COX7A2L: variants seen among roughly 807,000 people sequenced by gnomAD.
COX7A2L encodes the protein cytochrome c oxidase subunit 7A2 like, also known as cytochrome c oxidase subunit 7A2-like, mitochondrial.
A neutral mutation model predicts 14.2 loss-of-function variants in COX7A2L; 18 were observed. The observed-to-expected ratio is 1.27, with a 90% CI of 0.88 to 1.88. COX7A2L has a LOEUF of 1.88. Ranked by LOEUF, COX7A2L falls within the 40% of genes most tolerant of loss-of-function variation. COX7A2L has a pLI of 0.00. For missense variants in COX7A2L, 179 were observed against 138.8 expected, an observed-to-expected ratio of 1.29 and a Z score of -1.46; for synonymous variants, 65 against 57.4, an observed-to-expected ratio of 1.13 and a Z score of -0.60.
At chr2:42,341,064 G>A (rs1056378968) in intron 2 of COX7A2L, among the ~76,000 whole-genome samples, 4 of 152,062 alleles carry the variant, frequency 2.6e-5, no homozygotes, top group East Asian at 1.9e-4. Context: ...TGGTTATAAC[G>A]TGTCACATCC....
rs538264893 is a variant in COX7A2L, at chr2:42,355,417, C to A, written c.73-2074G>T. Reference sequence around the variant, plus strand: ...TCCAAAAATGGCTTGAAAGTAAATTCATGTTTCGACAGGACTAATGTGAGA... The same window carrying A: ...TCCAAAAATGGCTTGAAAGTAAATTAATGTTTCGACAGGACTAATGTGAGA... On this transcript the variant is annotated intron_variant, in intron 1 of 2. Coordinates refer to ENST00000234301, the MANE Select transcript of COX7A2L (RefSeq NM_004718.4). 5.2e-4 allele frequency among the ~76,000 whole-genome samples: 79 copies of A among 152,272 alleles called. No individual in the cohort carries two copies. The South Asian group carries it at 8.3e-3, about 16-fold the overall frequency.
At chr2:42,337,660 G>C (rs1227587371) in intron 2 of COX7A2L, among the ~76,000 whole-genome samples, 1 of 152,118 alleles carries the variant, frequency 6.6e-6, no homozygotes, top group Admixed American at 6.5e-5. Flanking sequence ...TATAGTTAAC[G>C]TAAGATCTCA....
At chr2:42,357,152 T>C (rs531979123) in intron 1 of COX7A2L, among the ~76,000 whole-genome samples, 1 of 152,354 alleles carries the variant, frequency 6.6e-6, no homozygotes, top group South Asian at 2.1e-4. Context: ...TTGTAACATT[T>C]TCCTTTTCTT....
downstream of COX7A2L, among the ~76,000 whole-genome samples, chr2:42,347,181 A>G (rs1315968543): frequency 1.3e-5 from 2 of 152,180 alleles, no homozygotes; most frequent in East Asian, 3.8e-4. Context: ...GGCAATTTAA[A>G]CCACAAAGAA....
chr2:42,345,769 G>A (rs540067372), downstream of COX7A2L, among the ~76,000 whole-genome samples: 9 of 152,198 alleles, frequency 5.9e-5, no homozygotes, highest in South Asian at 1.2e-3. Flanking sequence ...TCATACCCCC[G>A]GGGTCATGTG....
Position 42,361,182 on chromosome 2 carries a change from C to T in COX7A2L, c.-21G>A. 14 of 1,593,536 alleles carry T rather than the reference C, an allele frequency of 8.8e-6. No individual in the cohort carries two copies. Among genetic ancestry groups the T allele is most frequent in the South Asian group, 3.4e-5 (3 of 88,674 alleles). On this transcript the variant is annotated 5_prime_UTR_variant, in exon 1 of 3. Coordinates refer to ENST00000234301, the MANE Select transcript of COX7A2L (RefSeq NM_004718.4). ...TACATGACGCCCAGAGTCCGGCTTC[C>T]CGCATCCGCTGCCAACGCGACCGCC...
chr2:42,343,329 G>A (rs1334922507), intron 2 of COX7A2L, among the ~76,000 whole-genome samples: 5 of 152,214 alleles, frequency 3.3e-5, no homozygotes, highest in East Asian at 1.9e-4. Flanking sequence ...CCTAAGAGGT[G>A]GAGAGACACC....
At chr2:42,348,936 C>T (rs1670555309), downstream of COX7A2L, among the ~76,000 whole-genome samples, 1 of 151,942 alleles carries the variant, frequency 6.6e-6, no homozygotes, top group South Asian at 2.1e-4. Context: ...AAAAAAGTGA[C>T]AACAACTAAA....
chr2:42,354,406 T>C (rs1297291832), intron 1 of COX7A2L, among the ~76,000 whole-genome samples: 1 of 152,200 alleles, frequency 6.6e-6, no homozygotes, highest in Non-Finnish European at 1.5e-5. Flanking sequence ...AAAATCCTCC[T>C]TTTATGTTAA....
Position 42,351,119 on chromosome 2 carries a change from G to T in COX7A2L, c.*100C>A. 7.7e-7 allele frequency: 1 copy of T among 1,295,390 alleles called. No homozygotes were observed. The highest frequency in any genetic ancestry group is 1.0e-6 in the Non-Finnish European group (1 of 962,454). The allele number at this position is 1,295,390 out of a possible 1,614,324, so 80.2% of individuals were successfully genotyped here. A position where few individuals can be genotyped will look rare whatever the true frequency, so the allele number is the denominator to read the frequency against. On this transcript the variant is annotated 3_prime_UTR_variant, in exon 3 of 3. Transcript: ENST00000234301. ...ATCTTCCTATTTTTCTTGCAAAAATGTTAAGCCATCCAAGTAAAAAAAAAA... is the reference window on the plus strand; with the variant it reads ...ATCTTCCTATTTTTCTTGCAAAAATTTTAAGCCATCCAAGTAAAAAAAAAA...
downstream of COX7A2L, among the ~76,000 whole-genome samples, chr2:42,348,619 G>A (rs1331221388): frequency 1.3e-5 from 2 of 152,080 alleles, no homozygotes; most frequent in Non-Finnish European, 2.9e-5. Flanking sequence ...GATAAAAAGA[G>A]ACTAAACAGT....
rs549061375 is a variant in COX7A2L, at chr2:42,340,435, T to A, written c.193-6566A>T. ...CTGTCCTCCACACTGCCACTGTGGG[T>A]TCAAAAGAAGCAAACCAAAACAAAA... is the stretch of plus-strand genomic sequence containing the variant. On this transcript the variant is annotated intron_variant, in intron 2 of 2. Coordinates refer to the COX7A2L transcript ENST00000468711. Among the ~76,000 whole-genome samples the A allele has an allele frequency of 2.0e-5, 3 of 152,280 alleles. No homozygotes were observed. In the South Asian group the frequency reaches 6.2e-4, roughly 32 times the overall value.
chr2:42,364,972 C>T (rs1277257101), upstream of COX7A2L, among the ~76,000 whole-genome samples: 1 of 152,196 alleles, frequency 6.6e-6, no homozygotes, highest in African/African-American at 2.4e-5. Flanking sequence ...AGCACATCCA[C>T]AGAGAATATG....
chr2:42,348,445 G>A (rs965157727), downstream of COX7A2L, among the ~76,000 whole-genome samples: 2 of 151,980 alleles, frequency 1.3e-5, no homozygotes, highest in African/African-American at 4.8e-5. Flanking sequence ...GACATAACGA[G>A]GACACCATAT....
downstream of COX7A2L, among the ~76,000 whole-genome samples, chr2:42,344,956 T>C (rs1406239033): frequency 2.0e-5 from 3 of 152,200 alleles, no homozygotes; most frequent in African/African-American, 7.2e-5. Context: ...TCAATTCCAT[T>C]CCCATTTTTA....
At chr2:42,356,120 C>T (rs189348203) in intron 1 of COX7A2L, among the ~76,000 whole-genome samples, 95 of 152,212 alleles carry the variant, frequency 6.2e-4, no homozygotes, top group African/African-American at 2.0e-3. Flanking sequence ...TATCCTGAAA[C>T]CTCCCAGGCA....
At chr2:42,366,919 T>C (rs991597647) in intron 1 of COX7A2L, among the ~76,000 whole-genome samples, 1 of 152,138 alleles carries the variant, frequency 6.6e-6, no homozygotes, top group African/African-American at 2.4e-5. Flanking sequence ...GTCAGGTGGA[T>C]CCTGGTATGA....
chr2:42,353,890 A>G (rs988411849), intron 1 of COX7A2L, among the ~76,000 whole-genome samples: 1 of 152,256 alleles, frequency 6.6e-6, no homozygotes, highest in Non-Finnish European at 1.5e-5. Context: ...GAAAACACAT[A>G]CAGTAAAAAT....
At chr2:42,341,510 A>G (rs1169687930) in intron 2 of COX7A2L, among the ~76,000 whole-genome samples, 1 of 152,132 alleles carries the variant, frequency 6.6e-6, no homozygotes, top group African/African-American at 2.4e-5. Context: ...ATGTGGTTCA[A>G]TCTAGCCAGC....
Sources: gnomAD v4.1 joint callset for allele counts (sites outside exome capture counted in the v4.1 genomes callset) on GRCh38, gnomAD v4.1.1 for gene constraint, MANE v1.5 for transcripts, NCBI Gene and HGNC (gene_info 2026-07-23, HGNC 2026-07-21) for gene names.